Variants in ELOVL4 observed in about 807,000 individuals in gnomAD.
ELOVL4 encodes the protein ELOVL fatty acid elongase 4.
Under a neutral mutation model 42.1 loss-of-function variants are expected in ELOVL4, and 18 were observed. The ratio of observed to expected loss-of-function variants is 0.43; its 90% CI spans 0.30 to 0.63. The LOEUF (loss-of-function observed/expected upper bound fraction) is 0.63. Ranked by LOEUF, ELOVL4 falls within the 30% of genes least tolerant of loss-of-function variation. The pLI is 0.15. For synonymous variants in ELOVL4, 117 were observed against 127.0 expected, an observed-to-expected ratio of 0.92 and a Z score of 0.53; for missense variants, 299 against 376.2, an observed-to-expected ratio of 0.79 and a Z score of 1.70.
intron 1 of ELOVL4, among the ~76,000 whole-genome samples, chr6:79,929,296 A>G (rs1044786258): frequency 1.3e-5 from 2 of 151,948 alleles, no homozygotes; most frequent in African/African-American, 4.8e-5. Flanking sequence ...GCTGGAGTAA[A>G]GTAGCACGAT....
Position 79,947,119 on chromosome 6 carries a change from A to T in ELOVL4, c.100+61T>A, listed in dbSNP as rs1228292785. ...TGGGGCCGGGCCCGGGAGCTGCGAG[A>T]CCAGGGGCCGGTGACCCCCCGCGGG... is the stretch of plus-strand genomic sequence containing the variant. On this transcript the variant is annotated intron_variant, in intron 1 of 5. Coordinates refer to ENST00000369816, the MANE Select transcript of ELOVL4 (RefSeq NM_022726.4). 7 of 1,382,280 alleles carry T rather than the reference A, an allele frequency of 5.1e-6. No individual in the cohort carries two copies. The Admixed American group carries it at 1.1e-4, about 22-fold the overall frequency. 85.6% of individuals were successfully genotyped at this position (1,382,280 alleles called of 1,614,324 possible).
chr6:79,935,320 C>T (rs571692888), intron 1 of ELOVL4, among the ~76,000 whole-genome samples: 5 of 151,930 alleles, frequency 3.3e-5, no homozygotes, highest in Admixed American at 6.6e-5. Flanking sequence ...ACTATCTTCC[C>T]CAAGTAAGCT....
At chr6:79,932,307 G>A (rs1461614381) in intron 1 of ELOVL4, among the ~76,000 whole-genome samples, 2 of 152,224 alleles carry the variant, frequency 1.3e-5, no homozygotes, top group East Asian at 1.9e-4. Context: ...TTGGGAGGCC[G>A]AGGCAGGCGA....
intron 1 of ELOVL4, among the ~76,000 whole-genome samples, chr6:79,945,969 C>A (rs1208865395): frequency 6.6e-6 from 1 of 152,180 alleles, no homozygotes; most frequent in Non-Finnish European, 1.5e-5. Flanking sequence ...CATTTTGTCT[C>A]TCACAAAAAT....
intron 1 of ELOVL4, among the ~76,000 whole-genome samples, chr6:79,940,219 A>G (rs912627584): frequency 6.6e-6 from 1 of 152,204 alleles, no homozygotes; most frequent in African/African-American, 2.4e-5. Flanking sequence ...ACAGTGAGTA[A>G]CTGATTTCCT....
chr6:79,917,293 T>C (rs1189174487), intron 5 of ELOVL4, among the ~76,000 whole-genome samples: 3 of 152,142 alleles, frequency 2.0e-5, no homozygotes, highest in Non-Finnish European at 4.4e-5. Context: ...AATGAATATG[T>C]GTTGAATAAT....
Position 79,917,701 on chromosome 6 carries a change from A to G in ELOVL4, c.670-818T>C, listed in dbSNP as rs143653910. On this transcript the variant is annotated intron_variant, in intron 5 of 5. Coordinates refer to ENST00000369816, the MANE Select transcript of ELOVL4 (RefSeq NM_022726.4). ...CCAGGTGTGGTGGTCCATGACTGTA[A>G]TCCCAGCTACTCAGGAGGCTGAAGC... Among the ~76,000 whole-genome samples, 712 of 152,210 alleles carry G rather than the reference A, an allele frequency of 4.7e-3. 9 individuals are homozygous for G. Among genetic ancestry groups the G allele is most frequent in the African/African-American group, 0.016 (677 of 41,552 alleles).
At chr6:79,945,242 C>T (rs1363903269) in intron 1 of ELOVL4, among the ~76,000 whole-genome samples, 1 of 152,204 alleles carries the variant, frequency 6.6e-6, no homozygotes, top group Non-Finnish European at 1.5e-5. Context: ...ATAGTCAAAG[C>T]ATAGGCAAAT....
In ELOVL4 at chr6:79,916,676, T is replaced by C. The variant is rs1442942258; in HGVS notation, c.877A>G (p.Lys293Glu). The C allele has an allele frequency of 6.2e-7, 1 of 1,614,240 alleles. No homozygotes were observed. Among genetic ancestry groups the C allele is most frequent in the Non-Finnish European group, 8.5e-7 (1 of 1,180,040 alleles). ...TCTATCATGAGTTGTTTTTCTGATT[T>C]GCTCACACCATTTGCTGAAATACCA... is the stretch of plus-strand genomic sequence containing the variant. The part of the protein sequence containing the change: ...MNGISANGVS[K>E]SEKQLMIENG... Residue 293 changes from lysine to glutamate, a missense_variant, in exon 6 of 6, where the codon AAA (lysine) becomes GAA (glutamate). Physicochemically the swap from Lys to Glu is moderately conservative, Grantham distance 56 (BLOSUM62 1). Transcript: ENST00000369816.
chr6:79,946,983 G>A (rs956294712), intron 1 of ELOVL4, among the ~76,000 whole-genome samples, 197 bp downstream of exon 1: 3 of 152,176 alleles, frequency 2.0e-5, no homozygotes, highest in Non-Finnish European at 2.9e-5. Context: ...GAGTGTCGGG[G>A]GAGGGGAGGC....
intron 3 of ELOVL4, among the ~76,000 whole-genome samples, chr6:79,922,250 C>A (rs1003315414): frequency 6.7e-6 from 1 of 149,674 alleles, no homozygotes; most frequent in African/African-American, 2.4e-5. Flanking sequence ...TGCCTGTCTG[C>A]CCACCCTCTC....
intron 1 of ELOVL4, among the ~76,000 whole-genome samples, chr6:79,932,896 T>A (rs1417604020): frequency 6.6e-6 from 1 of 152,126 alleles, no homozygotes; most frequent in African/African-American, 2.4e-5. Flanking sequence ...TTTGAACTTT[T>A]TTTCAAAGAA....
At chr6:79,928,735 T>TTTTG (rs1712841098) in intron 1 of ELOVL4, among the ~76,000 whole-genome samples, 1 of 138,392 alleles carries the variant, frequency 7.2e-6, no homozygotes, top group East Asian at 2.0e-4. Context: ...GGGTTTTTTT[T>TTTTG]TTTTTTTTTT....
intron 1 of ELOVL4, among the ~76,000 whole-genome samples, chr6:79,927,692 T>C (rs1047522597): frequency 6.6e-6 from 1 of 152,110 alleles, no homozygotes; most frequent in Non-Finnish European, 1.5e-5. Context: ...TATTGCTTGA[T>C]GACTCGAGAT....
At chr6:79,941,542 C>T (rs944871160) in intron 1 of ELOVL4, among the ~76,000 whole-genome samples, 5 of 151,996 alleles carry the variant, frequency 3.3e-5, no homozygotes, top group Admixed American at 1.3e-4. Context: ...AATTAATGAC[C>T]AACTCATAAA....
intron 1 of ELOVL4, among the ~76,000 whole-genome samples, chr6:79,945,143 A>T (rs1445778952): frequency 1.3e-5 from 2 of 152,164 alleles, no homozygotes; most frequent in African/African-American, 2.4e-5. Flanking sequence ...ATATCCACTA[A>T]GCCTCTCTGT....
intron 1 of ELOVL4, among the ~76,000 whole-genome samples, chr6:79,942,782 C>A (rs1388008967): frequency 2.0e-5 from 3 of 152,146 alleles, no homozygotes; most frequent in Non-Finnish European, 4.4e-5. Flanking sequence ...TTTATGCTAT[C>A]ATTGGGGAAT....
At chr6:79,935,775 A>G (rs1243827691) in intron 1 of ELOVL4, among the ~76,000 whole-genome samples, 3 of 152,206 alleles carry the variant, frequency 2.0e-5, no homozygotes, top group Non-Finnish European at 4.4e-5. Context: ...TTTTTACATT[A>G]ATAACTTAAG....
chr6:79,932,416 G>C (rs1205339109), intron 1 of ELOVL4, among the ~76,000 whole-genome samples: 1 of 151,782 alleles, frequency 6.6e-6, no homozygotes, highest in Non-Finnish European at 1.5e-5. Context: ...GTGGTGGTGT[G>C]CGCCTGTAAT....
Sources: allele counts gnomAD v4.1 joint callset (sites outside exome capture counted in the v4.1 genomes callset), GRCh38; gene constraint gnomAD v4.1.1; transcripts MANE v1.5; gene names NCBI Gene and HGNC (gene_info 2026-07-23, HGNC 2026-07-21).